TEX9: variants seen among roughly 807,000 people sequenced by gnomAD.
TEX9 encodes the protein testis-expressed protein 9.
A neutral mutation model predicts 59.6 loss-of-function variants in TEX9; 74 were observed. The observed-to-expected ratio is 1.24, with a 90% CI of 1.03 to 1.51. The LOEUF is 1.51. Among genes scored for constraint, TEX9 ranks in the 40% most tolerant of loss-of-function variants. The pLI is 0.00. For missense variants in TEX9, 522 were observed against 447.8 expected (o/e 1.17, Z -1.49); for synonymous variants, 186 against 152.2 (o/e 1.22, Z -1.64).
chr15:56,335,844 C>T (rs1008126899), intron 1 of TEX9, among the ~76,000 whole-genome samples: 5 of 151,928 alleles, frequency 3.3e-5, no homozygotes, highest in African/African-American at 1.2e-4. Context: ...TAAACACAAA[C>T]GATTCATATT....
exon 1 of TEX9, chr15:56,244,157 TG>T (rs1391643060): frequency 6.6e-6 from 1 of 151,984 alleles, no homozygotes; most frequent in Non-Finnish European, 1.5e-5. Flanking sequence ...GGCGTGGAAA[TG>T]GGATTTGGGC....
chr15:56,318,556 A>G (rs937448922), intron 1 of TEX9, among the ~76,000 whole-genome samples: 3 of 152,036 alleles, frequency 2.0e-5, no homozygotes, highest in East Asian at 1.9e-4. Flanking sequence ...TATGTCTGCT[A>G]TTCTCCATTT....
At chr15:56,285,082 TC>T (rs1596065496) in intron 1 of TEX9, among the ~76,000 whole-genome samples, 1 of 152,166 alleles carries the variant, frequency 6.6e-6, no homozygotes, top group Non-Finnish European at 1.5e-5. Flanking sequence ...TCACCCATAT[TC>T]ACTTTTTTTG....
chr15:56,290,284 G>T (rs1157896408), intron 1 of TEX9, among the ~76,000 whole-genome samples: 1 of 152,118 alleles, frequency 6.6e-6, no homozygotes, highest in African/African-American at 2.4e-5. Context: ...TGTAATGGGT[G>T]TTCATTACCT....
At chr15:56,429,193 C>T (rs760486104) in intron 12 of TEX9, 27 of 1,576,664 alleles carry the variant, frequency 1.7e-5, no homozygotes, top group Middle Eastern at 3.3e-4. Context: ...TTAAATACTC[C>T]CTACGAGAAA....
intron 1 of TEX9, among the ~76,000 whole-genome samples, chr15:56,300,708 G>GAGGGAGAGAGAGAGA (rs2045331855): frequency 6.8e-5 from 7 of 102,722 alleles, no homozygotes; most frequent in South Asian, 3.6e-4. Flanking sequence ...AGAGAGAGAG[G>GAGGGAGAGAGAGAGA]GAGAGAGAGA....
intron 1 of TEX9, among the ~76,000 whole-genome samples, chr15:56,330,184 T>A (rs1286902893): frequency 1.3e-5 from 2 of 151,978 alleles, no homozygotes; most frequent in Non-Finnish European, 2.9e-5. Context: ...CCAGTGAAAA[T>A]ATACTTCAAA....
rs575100450 is a variant in TEX9 at position 56,356,714 on chromosome 15, C to A, written c.-106-16727C>A. On this transcript the variant is annotated intron_variant, in intron 1 of 5. Coordinates refer to the TEX9 transcript ENST00000560827. ...AGTGAGGTTGAATATTTTTAACTTCCTGAAAAGAAGAGTGGGCTTATTGTG... is the reference window on the plus strand; with the variant it reads ...AGTGAGGTTGAATATTTTTAACTTCATGAAAAGAAGAGTGGGCTTATTGTG... Among the ~76,000 whole-genome samples, 3 of 152,172 alleles carry A rather than the reference C, an allele frequency of 2.0e-5. No individual in the cohort carries two copies. The South Asian group carries it at 6.2e-4, about 32-fold the overall frequency.
chr15:56,404,152 A>T (rs912316770), intron 9 of TEX9, among the ~76,000 whole-genome samples: 12 of 152,244 alleles, frequency 7.9e-5, no homozygotes, highest in East Asian at 5.8e-4. Context: ...ATTAAACTAA[A>T]GACCTTCTGC....
chr15:56,354,186 A>G (rs1463440873), intron 1 of TEX9, among the ~76,000 whole-genome samples: 1 of 152,186 alleles, frequency 6.6e-6, no homozygotes, highest in East Asian at 1.9e-4. Flanking sequence ...GACAGGAATC[A>G]TTATTACATT....
intron 1 of TEX9, among the ~76,000 whole-genome samples, chr15:56,358,357 G>A (rs4577021): frequency 6.8e-6 from 1 of 146,176 alleles, no homozygotes; most frequent in African/African-American, 2.5e-5. Flanking sequence ...TTTTTTTCCA[G>A]AATCTGGTCG....
At chr15:56,403,394 GAATC>G (rs1567127215) in intron 9 of TEX9, among the ~76,000 whole-genome samples, 1 of 152,138 alleles carries the variant, frequency 6.6e-6, no homozygotes, top group Admixed American at 6.5e-5. Context: ...GCTACAAAGA[GAATC>G]AAATACCTAG....
chr15:56,276,175 A>T (rs1240679912), intron 1 of TEX9, among the ~76,000 whole-genome samples: 1 of 150,088 alleles, frequency 6.7e-6, no homozygotes, highest in African/African-American at 2.5e-5. Context: ...TTTTTATTTT[A>T]TTTTACTTTA....
At chr15:56,285,767 T>C (rs2044938469) in intron 1 of TEX9, among the ~76,000 whole-genome samples, 1 of 152,332 alleles carries the variant, frequency 6.6e-6, no homozygotes, top group East Asian at 1.9e-4. Flanking sequence ...CCCCAAATTC[T>C]TTATAATGAC....
At chr15:56,324,202 G>A (rs1406457789) in intron 1 of TEX9, among the ~76,000 whole-genome samples, 1 of 151,618 alleles carries the variant, frequency 6.6e-6, no homozygotes, top group African/African-American at 2.4e-5. Context: ...AGTCGCAGTG[G>A]TTTTGTTGCC....
intron 12 of TEX9, chr15:56,429,409 C>T: frequency 2.4e-6 from 1 of 421,720 alleles, no homozygotes; most frequent in Non-Finnish European, 4.1e-6. Flanking sequence ...TCTGATTTAT[C>T]AGCTCTAGTG....
intron 7 of TEX9, chr15:56,393,769 G>T (rs2048323528): frequency 6.0e-6 from 1 of 166,856 alleles, no homozygotes; most frequent in African/African-American, 2.4e-5. Context: ...ATTGGGATCT[G>T]TGTTACAGTC....
At chr15:56,394,893 T>C (rs1285727542) in intron 9 of TEX9, 59 bp downstream of exon 9, 20 of 1,515,514 alleles carry the variant, frequency 1.3e-5, no homozygotes, top group Admixed American at 2.1e-5. Flanking sequence ...TTATTAAGGT[T>C]ACACATTTGT....
At chr15:56,420,905 TG>T (rs1483323082) in intron 10 of TEX9, among the ~76,000 whole-genome samples, 1 of 151,944 alleles carries the variant, frequency 6.6e-6, no homozygotes, top group Non-Finnish European at 1.5e-5. Context: ...GGACAGAGAA[TG>T]CATTTGGTTT....
Sources: gnomAD v4.1 joint callset for allele counts (sites outside exome capture counted in the v4.1 genomes callset) on GRCh38, gnomAD v4.1.1 for gene constraint, MANE v1.5 for transcripts, NCBI Gene and HGNC (gene_info 2026-07-23, HGNC 2026-07-21) for gene names.